Variants in KCNH1 observed in about 807,000 individuals in gnomAD.
KCNH1 encodes the protein potassium voltage-gated channel subfamily H member 1.
Under a neutral mutation model 69.2 loss-of-function variants are expected in KCNH1, and 27 were observed. That is an observed-to-expected ratio of 0.39 (90% CI 0.29 to 0.54). The LOEUF (loss-of-function observed/expected upper bound fraction) is 0.54, where lower values mean the gene tolerates loss of function less well. KCNH1 is among the 20% of genes least tolerant of loss of function. The pLI is 0.68. For missense variants in KCNH1, 798 were observed against 1,261.6 expected (o/e 0.63, Z 5.57); for synonymous variants, 456 against 487.7 (o/e 0.93, Z 0.86).
At chr1:211,022,813 C>CA (rs199748188) in intron 5 of KCNH1, among the ~76,000 whole-genome samples, 3 of 151,382 alleles carry the variant, frequency 2.0e-5, no homozygotes, top group Admixed American at 6.6e-5. Flanking sequence ...ATCAAAAAGA[C>CA]AAAAAAAAGT....
intron 5 of KCNH1, among the ~76,000 whole-genome samples, chr1:211,067,173 G>A (rs546870878): frequency 3.9e-5 from 6 of 152,192 alleles, no homozygotes; most frequent in East Asian, 3.8e-4. Context: ...CCTGCTGAGC[G>A]GGACTGCTGC....
At chr1:210,859,779 C>T in intron 7 of KCNH1, 1 of 1,011,058 alleles carries the variant, frequency 9.9e-7, no homozygotes, top group South Asian at 1.3e-5. Flanking sequence ...TGAGAACACA[C>T]ATCCTTCTGT....
intron 5 of KCNH1, among the ~76,000 whole-genome samples, chr1:211,029,409 A>G (rs1689742729): frequency 6.6e-6 from 1 of 151,592 alleles, no homozygotes; most frequent in Non-Finnish European, 1.5e-5. Context: ...TGAAAAAAAA[A>G]GCCATGTAAT....
chr1:211,130,426 C>T (rs754739177), intron 1 of KCNH1, among the ~76,000 whole-genome samples: 3 of 152,088 alleles, frequency 2.0e-5, no homozygotes, highest in Non-Finnish European at 2.9e-5. Context: ...CGCAGCCGGT[C>T]AACACTGTAA....
chr1:210,859,904 A>G, intron 7 of KCNH1: 1 of 1,338,130 alleles, frequency 7.5e-7, no homozygotes, highest in Non-Finnish European at 1.1e-6. Flanking sequence ...ATAGGTATGC[A>G]TTATAATGTA....
chr1:210,755,883 A>G (rs1683389851), intron 10 of KCNH1, among the ~76,000 whole-genome samples: 2 of 152,206 alleles, frequency 1.3e-5, no homozygotes, highest in African/African-American at 4.8e-5. Context: ...ATCAGAGAAA[A>G]GCAGCACTAT....
At chr1:210,700,145 T>C in intron 10 of KCNH1, among the ~76,000 whole-genome samples, 1 of 152,196 alleles carries the variant, frequency 6.6e-6, no homozygotes, top group East Asian at 1.9e-4. Flanking sequence ...AAGATGGTGT[T>C]CAAAAGACAT....
At chr1:211,070,715 A>G (rs1018545536) in intron 5 of KCNH1, among the ~76,000 whole-genome samples, 9 of 150,216 alleles carry the variant, frequency 6.0e-5, no homozygotes, top group Admixed American at 2.7e-4. Flanking sequence ...TCCCAGCTAC[A>G]GGAGGCTGAG....
chr1:210,771,757 C>T (rs1683758661), intron 10 of KCNH1, among the ~76,000 whole-genome samples: 1 of 152,210 alleles, frequency 6.6e-6, no homozygotes, highest in South Asian at 2.1e-4. Context: ...CCGCATTTTA[C>T]AGAAAAGGAA....
intron 7 of KCNH1, among the ~76,000 whole-genome samples, chr1:210,857,209 T>C (rs1472185656): frequency 6.6e-6 from 1 of 152,102 alleles, no homozygotes; most frequent in Non-Finnish European, 1.5e-5. Context: ...ACTACACGTT[T>C]AGTGCTTTAT....
chr1:210,911,116 C>T (rs1279287325), intron 7 of KCNH1, among the ~76,000 whole-genome samples: 1 of 152,176 alleles, frequency 6.6e-6, no homozygotes, highest in Non-Finnish European at 1.5e-5. Context: ...TTGGCTCACA[C>T]AGCCCCTGAC....
Position 211,082,815 on chromosome 1 carries a change from C to T in KCNH1, c.523G>A (p.Gly175Ser). Reference sequence around the variant, plus strand: ...CGGGAGTGCTTGTGGACATTCTCGCCTTTTTGCACGCTTGGAGCCAGCTGC... The same window carrying T: ...CGGGAGTGCTTGTGGACATTCTCGCTTTTTTGCACGCTTGGAGCCAGCTGC... Reference protein sequence around the residue: ...LQQLAPSVQKGENVHKHSRLA... With the variant: ...LQQLAPSVQKSENVHKHSRLA... Residue 175 changes from glycine (G) to serine (S), a missense_variant, in exon 5 of 11, where the codon GGC becomes AGC. By Grantham distance (56) the Gly-to-Ser change is moderately conservative. Coordinates refer to ENST00000271751, the MANE Select transcript of KCNH1 (RefSeq NM_172362.3). 1 of 1,614,132 alleles carries T rather than the reference C, an allele frequency of 6.2e-7. No homozygotes were observed. The highest frequency in any genetic ancestry group is 1.1e-5 in the South Asian group (1 of 91,080).
chr1:210,690,084 G>T (rs1681496633), intron 10 of KCNH1, among the ~76,000 whole-genome samples: 1 of 152,206 alleles, frequency 6.6e-6, no homozygotes, highest in Admixed American at 6.5e-5. Flanking sequence ...TGCTGCCTGG[G>T]ATTGGAGTGG....
At chr1:210,971,249 G>A (rs1191827008) in intron 6 of KCNH1, among the ~76,000 whole-genome samples, 1 of 151,954 alleles carries the variant, frequency 6.6e-6, no homozygotes, top group East Asian at 1.9e-4. Flanking sequence ...CACCACAGCC[G>A]ACCCACGATG....
intron 7 of KCNH1, among the ~76,000 whole-genome samples, chr1:210,918,237 T>C (rs1214963850): frequency 1.3e-5 from 2 of 152,220 alleles, no homozygotes; most frequent in East Asian, 3.9e-4. Flanking sequence ...CAAGGCAAGC[T>C]GAAGCCTCAG....
At chr1:210,892,887 G>T (rs963240675) in intron 7 of KCNH1, among the ~76,000 whole-genome samples, 1 of 152,122 alleles carries the variant, frequency 6.6e-6, no homozygotes, top group Non-Finnish European at 1.5e-5. Flanking sequence ...TATAGTCCCT[G>T]CCCTAAAGCT....
intron 7 of KCNH1, chr1:210,860,895 G>T: frequency 1.1e-6 from 1 of 930,454 alleles, no homozygotes; most frequent in Non-Finnish European, 1.8e-6. Flanking sequence ...TGAAGAGAGA[G>T]AACACATGAT....
intron 7 of KCNH1, among the ~76,000 whole-genome samples, chr1:210,918,132 C>T (rs1687385370): frequency 6.6e-6 from 1 of 151,856 alleles, no homozygotes; most frequent in South Asian, 2.1e-4. Context: ...GAGACTGTTG[C>T]AAAAAAGGAG....
intron 6 of KCNH1, among the ~76,000 whole-genome samples, chr1:210,947,977 G>A (rs564837794): frequency 2.4e-4 from 37 of 151,924 alleles, no homozygotes; most frequent in African/African-American, 8.9e-4. Flanking sequence ...GGTAGGGGTT[G>A]GGGGCAGATT....
Sources: allele counts gnomAD v4.1 joint callset (sites outside exome capture counted in the v4.1 genomes callset), GRCh38; gene constraint gnomAD v4.1.1; transcripts MANE v1.5; gene names NCBI Gene and HGNC (gene_info 2026-07-23, HGNC 2026-07-21).